Variants in PRKCQ observed in about 807,000 individuals in gnomAD.
The protein encoded by PRKCQ is protein kinase C theta type.
In PRKCQ, 41 loss-of-function variants were observed where a neutral mutation model predicts 91.2. That is an observed-to-expected ratio of 0.45 (90% CI 0.35 to 0.58). The LOEUF is 0.58. Ranked by LOEUF, PRKCQ falls within the 20% of genes least tolerant of loss-of-function variation. PRKCQ has a pLI of 0.00. For synonymous variants in PRKCQ, 307 were observed against 316.9 expected (o/e 0.97, Z 0.33); for missense variants, 673 against 896.5 (o/e 0.75, Z 3.18).
At chr10:6,496,762 C>T (rs922761849) in intron 7 of PRKCQ, among the ~76,000 whole-genome samples, 1 of 152,014 alleles carries the variant, frequency 6.6e-6, no homozygotes, top group Non-Finnish European at 1.5e-5. Flanking sequence ...GCAACCTCCG[C>T]CTCCCGAATT....
chr10:6,413,594 A>G, the PRKCQ span, among the ~76,000 whole-genome samples: 1 of 93,776 alleles, frequency 1.1e-5, no homozygotes, highest in Non-Finnish European at 2.1e-5. Context: ...TTGTGCACAC[A>G]CACACACACA....
At chr10:6,533,875 T>A (rs886556666) in intron 1 of PRKCQ, among the ~76,000 whole-genome samples, 2 of 152,152 alleles carry the variant, frequency 1.3e-5, no homozygotes, top group Non-Finnish European at 2.9e-5. Context: ...ATTGAAGATA[T>A]TCATCCAGAA....
intron 4 of PRKCQ, among the ~76,000 whole-genome samples, chr10:6,506,747 A>G (rs1246132046): frequency 6.6e-6 from 1 of 152,234 alleles, no homozygotes; most frequent in African/African-American, 2.4e-5. Flanking sequence ...TGGTAGTAAA[A>G]TTAATTTAGG....
the PRKCQ span, among the ~76,000 whole-genome samples, chr10:6,420,435 GT>G: frequency 6.6e-6 from 1 of 152,112 alleles, no homozygotes; most frequent in African/African-American, 2.4e-5. Flanking sequence ...AACTTCCTTT[GT>G]TTCAGTCAGT....
chr10:6,553,896 T>C (rs764731517), intron 1 of PRKCQ, among the ~76,000 whole-genome samples: 6 of 152,078 alleles, frequency 3.9e-5, no homozygotes, highest in Non-Finnish European at 8.8e-5. Flanking sequence ...ATTTTATACA[T>C]TAAAATATAA....
At chr10:6,488,752 A>G (rs1837081339) in intron 8 of PRKCQ, among the ~76,000 whole-genome samples, 1 of 151,970 alleles carries the variant, frequency 6.6e-6, no homozygotes, top group Non-Finnish European at 1.5e-5. Flanking sequence ...CTGAAGCAAA[A>G]TCTTTTCTGC....
chr10:6,553,498 A>ATAAAAAAT (rs773944977), intron 1 of PRKCQ, among the ~76,000 whole-genome samples: 23 of 37,162 alleles, frequency 6.2e-4, no homozygotes, highest in South Asian at 1.7e-3. Flanking sequence ...TCAAAAAAAA[A>ATAAAAAAT]AAAAAAAAAA....
intron 4 of PRKCQ, among the ~76,000 whole-genome samples, chr10:6,505,487 T>C (rs71485456): frequency 3.4e-5 from 5 of 148,214 alleles, no homozygotes; most frequent in African/African-American, 1.0e-4. Flanking sequence ...CCTTCCTTCC[T>C]TCCCTCCCTC....
intron 15 of PRKCQ, among the ~76,000 whole-genome samples, chr10:6,450,532 A>C (rs1189775845): frequency 1.3e-5 from 2 of 152,238 alleles, no homozygotes; most frequent in African/African-American, 4.8e-5. Context: ...TGAGACAGAA[A>C]GTTAACAAGG....
At chr10:6,447,179 C>T (rs34437065) in intron 15 of PRKCQ, among the ~76,000 whole-genome samples, 48 of 152,096 alleles carry the variant, frequency 3.2e-4, no homozygotes, top group Non-Finnish European at 6.6e-4. Context: ...GAGGCCAAGG[C>T]GGGCGGATCA....
chr10:6,480,440 G>T (rs1324603779), intron 11 of PRKCQ, among the ~76,000 whole-genome samples: 3 of 152,178 alleles, frequency 2.0e-5, no homozygotes, highest in African/African-American at 7.2e-5. Context: ...TATGATGGAG[G>T]GTTTCAACAA....
the PRKCQ span, among the ~76,000 whole-genome samples, chr10:6,418,520 C>T: frequency 0.92 from 139,713 of 151,840 alleles, 64,407 homozygotes; most frequent in Non-Finnish European, 0.94. Context: ...AATACCTGCC[C>T]ACCACTCCTT....
chr10:6,464,727 C>A (rs954648757), intron 12 of PRKCQ, among the ~76,000 whole-genome samples: 1 of 152,162 alleles, frequency 6.6e-6, no homozygotes, highest in Admixed American at 6.5e-5. Flanking sequence ...GGATTACAGG[C>A]GTGAGCCGCC....
At chr10:6,535,526 A>G (rs538658789) in intron 1 of PRKCQ, among the ~76,000 whole-genome samples, 2 of 152,290 alleles carry the variant, frequency 1.3e-5, no homozygotes, top group East Asian at 3.9e-4. Flanking sequence ...CAGTATCAAA[A>G]TGGAGTCACT....
In PRKCQ at chr10:6,573,610, A is replaced by G. The variant is rs118039280; in HGVS notation, c.-10+6601T>C. Among the ~76,000 whole-genome samples the G allele has an allele frequency of 3.4e-3, 523 of 152,196 alleles. 3 individuals are homozygous for G. Among genetic ancestry groups the G allele is most frequent in the South Asian group, 0.017 (80 of 4,826 alleles). On this transcript the variant is annotated intron_variant, in intron 1 of 17. Coordinates refer to ENST00000263125, the MANE Select transcript of PRKCQ (RefSeq NM_006257.5). The stretch of plus-strand genomic sequence containing the variant: ...ATTGCCATAGTTTGTTTACTTTTTG[A>G]TTTTTCCAATAGATTGTACGCTTAT...
chr10:6,504,999 T>C (rs973731665), intron 4 of PRKCQ, among the ~76,000 whole-genome samples: 19 of 151,948 alleles, frequency 1.3e-4, no homozygotes, highest in African/African-American at 4.1e-4. Context: ...GTTCATGCCA[T>C]TCTCCTGCCT....
chr10:6,562,970 T>C (rs1840690646), intron 1 of PRKCQ, among the ~76,000 whole-genome samples: 1 of 152,160 alleles, frequency 6.6e-6, no homozygotes, highest in African/African-American at 2.4e-5. Context: ...TAAAATATTT[T>C]CTGTAGTGAT....
chr10:6,573,354 C>T (rs1367768964), intron 1 of PRKCQ, among the ~76,000 whole-genome samples: 1 of 152,196 alleles, frequency 6.6e-6, no homozygotes. Context: ...AACATTTCTG[C>T]TTACTTTCAG....
At chr10:6,466,728 G>C (rs1349456396) in intron 12 of PRKCQ, among the ~76,000 whole-genome samples, 1 of 152,308 alleles carries the variant, frequency 6.6e-6, no homozygotes, top group Non-Finnish European at 1.5e-5. Context: ...TAAACAGCTG[G>C]GGAAGGAGAG....
Sources: gnomAD v4.1 joint callset for allele counts (sites outside exome capture counted in the v4.1 genomes callset) on GRCh38, gnomAD v4.1.1 for gene constraint, MANE v1.5 for transcripts, NCBI Gene and HGNC (gene_info 2026-07-23, HGNC 2026-07-21) for gene names.